NRXN1: variants seen among roughly 807,000 people sequenced by gnomAD.
The protein encoded by NRXN1 is neurexin-1.
NRXN1 carries 39 observed loss-of-function variants against 150.9 expected under a neutral mutation model. The observed-to-expected ratio is 0.26, with a 90% CI of 0.20 to 0.34. The LOEUF is 0.34. Among genes scored for constraint, NRXN1 ranks in the 10% least tolerant of loss-of-function variants. The pLI is 1.00. For missense variants in NRXN1, 1,815 were observed against 1,949.9 expected (o/e 0.93, Z 1.30); for synonymous variants, 924 against 757.0 (o/e 1.22, Z -3.62).
At chr2:50,299,476 T>A (rs6545160) in intron 17 of NRXN1, among the ~76,000 whole-genome samples, 1 of 151,634 alleles carries the variant, frequency 6.6e-6, no homozygotes, top group African/African-American at 2.4e-5. Context: ...CCCTGAAGAA[T>A]TGATGTATTT....
chr2:51,027,408 C>T (rs1270159852), intron 2 of NRXN1, 94 bp downstream of exon 2: 2 of 1,312,986 alleles, frequency 1.5e-6, no homozygotes, highest in African/African-American at 1.5e-5. Flanking sequence ...CACACGTTTG[C>T]CAAGATTAGG....
At position 50,859,838 on chromosome 2, in the gene NRXN1, T is replaced by TTGTGTG. The variant is rs58904379; in HGVS notation, c.832+62025_832+62030dup. On this transcript the variant is annotated intron_variant, in intron 5 of 22. Coordinates refer to ENST00000401669, the MANE Select transcript of NRXN1 (RefSeq NM_001330078.2). ...ATTATATACACACACACAATTATGT[T>TTGTGTG]TGTGTGTGTGTGTGTGTGTGTGTGT... 8.5e-3 allele frequency among the ~76,000 whole-genome samples: 1,251 copies of TTGTGTG among 147,672 alleles called. 22 individuals are homozygous for TTGTGTG. Among genetic ancestry groups the TTGTGTG allele is most frequent in the African/African-American group, 0.03 (1,208 of 40,136 alleles).
At chr2:50,083,753 T>C (rs1003767827) in intron 19 of NRXN1, among the ~76,000 whole-genome samples, 5 of 152,140 alleles carry the variant, frequency 3.3e-5, no homozygotes, top group African/African-American at 9.7e-5. Flanking sequence ...TTGGTACGTT[T>C]ACAATCCCTG....
At chr2:50,176,105 C>G (rs2060338779) in intron 18 of NRXN1, among the ~76,000 whole-genome samples, 1 of 152,024 alleles carries the variant, frequency 6.6e-6, no homozygotes, top group South Asian at 2.1e-4. Context: ...TAGCACTGAC[C>G]TAGTTAAGCC....
intron 2 of NRXN1, among the ~76,000 whole-genome samples, chr2:50,958,629 C>T (rs914792053): frequency 1.3e-5 from 2 of 151,948 alleles, no homozygotes; most frequent in African/African-American, 4.8e-5. Flanking sequence ...CAAGATAATG[C>T]CATTTGTAAG....
chr2:50,027,380 TCCTC>T lies in NRXN1; in HGVS notation c.4128+25887_4128+25890del, dbSNP rs113335146. Among the ~76,000 whole-genome samples the T allele has an allele frequency of 6.1e-4, 83 of 135,882 alleles. 2 individuals are homozygous for T. In the East Asian group the frequency reaches 0.019, roughly 31 times the overall value. 89.1% of individuals were successfully genotyped at this position (135,882 alleles called of 152,430 possible). ...TTCCTTCGTTGCTTCCTTCCTTCCT[TCCTC>T]CCTCCCTTCCTTCCTTCCTCCCTCC... is the stretch of plus-strand genomic sequence containing the variant. On this transcript the variant is annotated intron_variant, in intron 21 of 22. Transcript: ENST00000401669.
intron 5 of NRXN1, among the ~76,000 whole-genome samples, chr2:50,690,071 G>A (rs1474656793): frequency 6.6e-6 from 1 of 152,036 alleles, no homozygotes; most frequent in Non-Finnish European, 1.5e-5. Context: ...ATTTTTAGTA[G>A]AGAGAAAGTT....
At chr2:50,400,080 G>C (rs940608799) in intron 17 of NRXN1, among the ~76,000 whole-genome samples, 2 of 151,912 alleles carry the variant, frequency 1.3e-5, no homozygotes, top group Admixed American at 6.6e-5. Context: ...AGAAAGAATA[G>C]TCTGAACAAA....
At chr2:50,145,580 T>C (rs150085372) in intron 18 of NRXN1, among the ~76,000 whole-genome samples, 138 of 151,794 alleles carry the variant, frequency 9.1e-4, no homozygotes, top group African/African-American at 3.2e-3. Context: ...TCTTTGAATC[T>C]GCTTTTTTAG....
At position 50,117,195 on chromosome 2, in the gene NRXN1, C is replaced by T. The variant is rs143418640; in HGVS notation, c.3547-25701G>A. 3.3e-5 allele frequency among the ~76,000 whole-genome samples: 5 copies of T among 152,192 alleles called. No homozygotes were observed. The East Asian group carries it at 9.7e-4, about 29-fold the overall frequency. ...TGTTAAAACATTTTCAGCCCATATC[C>T]TTCTGCTTTCATGTTGAAAATTGAG... On this transcript the variant is annotated intron_variant, in intron 18 of 22. Transcript: ENST00000401669.
chr2:50,654,599 C>T (rs535925869), intron 5 of NRXN1, among the ~76,000 whole-genome samples: 17 of 152,076 alleles, frequency 1.1e-4, no homozygotes, highest in Non-Finnish European at 1.6e-4. Flanking sequence ...CCTGAGGAAT[C>T]GCCACACTGA....
chr2:50,343,627 G>C (rs944144821), intron 17 of NRXN1, among the ~76,000 whole-genome samples: 8 of 152,162 alleles, frequency 5.3e-5, no homozygotes, highest in Admixed American at 2.0e-4. Context: ...CTTGCACAAA[G>C]ATACTCGGGT....
At chr2:50,453,992 T>C (rs969314361) in intron 17 of NRXN1, among the ~76,000 whole-genome samples, 3 of 152,160 alleles carry the variant, frequency 2.0e-5, no homozygotes, top group African/African-American at 7.2e-5. Context: ...AAAATAGTTA[T>C]CTTGAAATGA....
rs1453294613 is a variant in NRXN1 at position 50,753,523 on chromosome 2, G to GA, written c.833-129909dup. Among the ~76,000 whole-genome samples, 3 of 151,788 alleles carry GA rather than the reference G, an allele frequency of 2.0e-5. No homozygotes were observed. In the South Asian group the frequency reaches 6.2e-4, roughly 31 times the overall value. On this transcript the variant is annotated intron_variant, in intron 5 of 22. Coordinates refer to ENST00000401669, the MANE Select transcript of NRXN1 (RefSeq NM_001330078.2). The stretch of plus-strand genomic sequence containing the variant: ...TGATTTTCAGTATGGAGTCTGGCAG[G>GA]AAAACCTCAGGGACTCTGTCACCCA...
At chr2:50,189,605 A>C (rs1294660544) in intron 18 of NRXN1, among the ~76,000 whole-genome samples, 2 of 152,196 alleles carry the variant, frequency 1.3e-5, no homozygotes, top group African/African-American at 4.8e-5. Flanking sequence ...AAAATAAATC[A>C]GTATATCTTG....
At chr2:50,632,849 G>C (rs1682581013) in intron 5 of NRXN1, 1 of 152,078 alleles carries the variant, frequency 6.6e-6, no homozygotes, top group African/African-American at 2.4e-5. Context: ...GCTCTGATCA[G>C]TGTGTAGATG....
At chr2:50,056,084 A>G (rs1350646277) in intron 19 of NRXN1, among the ~76,000 whole-genome samples, 1 of 152,166 alleles carries the variant, frequency 6.6e-6, no homozygotes, top group Non-Finnish European at 1.5e-5. Flanking sequence ...CTATTCCATT[A>G]GAGTTAACTA....
At chr2:50,829,227 G>A (rs1274802704) in intron 5 of NRXN1, among the ~76,000 whole-genome samples, 1 of 151,720 alleles carries the variant, frequency 6.6e-6, no homozygotes, top group East Asian at 2.0e-4. Flanking sequence ...TGGAAAGAGA[G>A]GGAGAGGGAG....
chr2:50,239,385 A>T (rs1208072944), intron 17 of NRXN1, among the ~76,000 whole-genome samples: 6 of 151,416 alleles, frequency 4.0e-5, no homozygotes, highest in African/African-American at 1.5e-4. Flanking sequence ...CTATTTAATG[A>T]TATAAAACAA....
Sources: gnomAD v4.1 joint callset for allele counts (sites outside exome capture counted in the v4.1 genomes callset) on GRCh38, gnomAD v4.1.1 for gene constraint, MANE v1.5 for transcripts, NCBI Gene and HGNC (gene_info 2026-07-23, HGNC 2026-07-21) for gene names.